KHDRBS3: variants seen among roughly 807,000 people sequenced by gnomAD.
KHDRBS3 encodes KH domain-containing, RNA-binding, signal transduction-associated protein 3.
KHDRBS3 carries 23 observed loss-of-function variants against 45.6 expected under a neutral mutation model. That is an observed-to-expected ratio of 0.50 (90% CI 0.36 to 0.72). The LOEUF (loss-of-function observed/expected upper bound fraction) is 0.72. Ranked by LOEUF, KHDRBS3 falls within the 30% of genes least tolerant of loss-of-function variation. The pLI is 0.00. For synonymous variants in KHDRBS3, 162 were observed against 156.5 expected (o/e 1.04, Z -0.26); for missense variants, 352 against 424.8 (o/e 0.83, Z 1.51).
chr8:135,521,217 T>C lies in KHDRBS3; in HGVS notation c.89-20T>C. The C allele has an allele frequency of 6.8e-7, 1 of 1,467,372 alleles. No homozygotes were observed. Among genetic ancestry groups the C allele is most frequent in the African/African-American group, 1.4e-5 (1 of 72,120 alleles). The allele number at this position is 1,467,372 out of a possible 1,614,324, so 90.9% of individuals were successfully genotyped here. Reference sequence around the variant, plus strand: ...CATTTCTGAGTCATACACTTCATGGTTATCTTTTTGCCTCCACAGAAATAG... The same window carrying C: ...CATTTCTGAGTCATACACTTCATGGCTATCTTTTTGCCTCCACAGAAATAG... On this transcript the variant is annotated intron_variant, in intron 1 of 8. Coordinates refer to ENST00000355849, the MANE Select transcript of KHDRBS3 (RefSeq NM_006558.3).
chr8:135,618,870 A>G (rs1830024848), intron 7 of KHDRBS3, among the ~76,000 whole-genome samples: 1 of 152,110 alleles, frequency 6.6e-6, no homozygotes, highest in Non-Finnish European at 1.5e-5. Context: ...TGGCACTTGG[A>G]ATTTGTGATT....
intron 4 of KHDRBS3, among the ~76,000 whole-genome samples, chr8:135,553,300 A>C (rs539550488): frequency 6.6e-6 from 1 of 151,608 alleles, no homozygotes; most frequent in African/African-American, 2.4e-5. Flanking sequence ...CAGTTTTCAG[A>C]CTCCTAAAAT....
chr8:135,529,073 A>G (rs1035104584), intron 2 of KHDRBS3, among the ~76,000 whole-genome samples: 1 of 152,224 alleles, frequency 6.6e-6, no homozygotes, highest in Non-Finnish European at 1.5e-5. Flanking sequence ...CCTAGTATTC[A>G]TTAAATCTTG....
At chr8:135,480,800 A>G (rs1485350185) in intron 1 of KHDRBS3, among the ~76,000 whole-genome samples, 2 of 152,192 alleles carry the variant, frequency 1.3e-5, no homozygotes, top group East Asian at 3.8e-4. Flanking sequence ...AGTCGTCAGA[A>G]AGTTGTGAAT....
intron 2 of KHDRBS3, among the ~76,000 whole-genome samples, chr8:135,533,746 C>A (rs1415180194): frequency 2.0e-5 from 3 of 152,118 alleles, no homozygotes; most frequent in South Asian, 2.1e-4. Context: ...TCCCAATAAG[C>A]CACTTGTAGG....
chr8:135,593,731 G>T (rs1232751209), intron 6 of KHDRBS3, among the ~76,000 whole-genome samples: 1 of 152,126 alleles, frequency 6.6e-6, no homozygotes, highest in Non-Finnish European at 1.5e-5. Context: ...TCCTGCCTCG[G>T]CTTCCACAAG....
intron 2 of KHDRBS3, among the ~76,000 whole-genome samples, chr8:135,523,964 T>A (rs1305752083): frequency 6.6e-6 from 1 of 152,180 alleles, no homozygotes; most frequent in Non-Finnish European, 1.5e-5. Context: ...ATATTATCTG[T>A]TTTATATAGT....
chr8:135,542,799 T>C, intron 3 of KHDRBS3, 29 bp downstream of exon 3: 1 of 1,377,426 alleles, frequency 7.3e-7, no homozygotes, highest in Non-Finnish European at 1.0e-6. Flanking sequence ...AACGGCTAAG[T>C]TGTGTATCAT....
rs149111338 is a variant in KHDRBS3 at position 135,496,826 on chromosome 8, C to G, written c.89-24411C>G. Among the ~76,000 whole-genome samples, 450 of 152,336 alleles carry G rather than the reference C, an allele frequency of 3.0e-3. 4 individuals carry two copies. The highest frequency in any genetic ancestry group is 0.01 in the African/African-American group (420 of 41,582). Reference sequence around the variant, plus strand: ...CAGTGGCTGGGAACTCAGCTGGGAGCTTAGCTGGAGTTCTTGGCCAACTAG... The same window carrying G: ...CAGTGGCTGGGAACTCAGCTGGGAGGTTAGCTGGAGTTCTTGGCCAACTAG... On this transcript the variant is annotated intron_variant, in intron 1 of 8. Coordinates refer to ENST00000355849, the MANE Select transcript of KHDRBS3 (RefSeq NM_006558.3).
chr8:135,651,295 A>G (rs1352974683), downstream of KHDRBS3, among the ~76,000 whole-genome samples: 1 of 149,826 alleles, frequency 6.7e-6, no homozygotes, highest in Admixed American at 6.7e-5. Context: ...TAGTCTATAT[A>G]TATATTTATA....
downstream of KHDRBS3, among the ~76,000 whole-genome samples, chr8:135,651,168 C>T (rs35424019): frequency 0.32 from 49,100 of 151,960 alleles, 9,605 homozygotes; most frequent in South Asian, 0.51. Flanking sequence ...AGGGCAGGTA[C>T]TCTCAGAGCA....
chr8:135,571,646 A>G (rs1827707611), intron 5 of KHDRBS3, among the ~76,000 whole-genome samples: 1 of 152,136 alleles, frequency 6.6e-6, no homozygotes, highest in Admixed American at 6.5e-5. Flanking sequence ...AACAGAAGAA[A>G]TCAGATGGGA....
chr8:135,498,767 C>T (rs528844211), intron 1 of KHDRBS3, among the ~76,000 whole-genome samples: 1 of 152,064 alleles, frequency 6.6e-6, no homozygotes, highest in Non-Finnish European at 1.5e-5. Flanking sequence ...ATCTAAAATA[C>T]GTTAAATATA....
intron 6 of KHDRBS3, among the ~76,000 whole-genome samples, chr8:135,598,743 A>T (rs912971027): frequency 6.6e-6 from 1 of 152,214 alleles, no homozygotes; most frequent in South Asian, 2.1e-4. Flanking sequence ...AACCCCAGTG[A>T]AAACTGAATT....
At chr8:135,547,464 A>G (rs951756228) in intron 3 of KHDRBS3, among the ~76,000 whole-genome samples, 2 of 152,196 alleles carry the variant, frequency 1.3e-5, no homozygotes, top group African/African-American at 2.4e-5. Flanking sequence ...GTATTGGATT[A>G]CATACAGTCT....
intron 1 of KHDRBS3, among the ~76,000 whole-genome samples, chr8:135,466,352 G>T (rs1010808641): frequency 2.0e-5 from 3 of 152,160 alleles, no homozygotes; most frequent in Admixed American, 6.5e-5. Context: ...TTACAGGTAA[G>T]AAGTGGAGGT....
intron 3 of KHDRBS3, among the ~76,000 whole-genome samples, chr8:135,546,582 C>T (rs1285604138): frequency 6.6e-6 from 1 of 152,038 alleles, no homozygotes; most frequent in East Asian, 1.9e-4. Flanking sequence ...TAATAATTAT[C>T]ATTACTATAT....
chr8:135,614,672 C>T (rs1375389030), intron 7 of KHDRBS3, among the ~76,000 whole-genome samples: 2 of 150,732 alleles, frequency 1.3e-5, no homozygotes, highest in African/African-American at 4.9e-5. Flanking sequence ...CCCATAGACC[C>T]GTAAATACTT....
intron 5 of KHDRBS3, among the ~76,000 whole-genome samples, chr8:135,574,525 G>A (rs1713998707): frequency 6.6e-6 from 1 of 152,008 alleles, no homozygotes; most frequent in African/African-American, 2.4e-5. Flanking sequence ...ATAAATGTAT[G>A]TCTTTCAATT....
Sources: allele counts gnomAD v4.1 joint callset (sites outside exome capture counted in the v4.1 genomes callset), GRCh38; gene constraint gnomAD v4.1.1; transcripts MANE v1.5; gene names NCBI Gene and HGNC (gene_info 2026-07-23, HGNC 2026-07-21).